The following LARS2 variants were observed in gnomAD, a reference collection of about 807,000 sequenced individuals.
LARS2 encodes the protein leucine--tRNA ligase, mitochondrial.
LARS2 carries 81 observed loss-of-function variants against 116.6 expected under a neutral mutation model. The ratio of observed to expected loss-of-function variants is 0.69; its 90% CI spans 0.58 to 0.84. The LOEUF (loss-of-function observed/expected upper bound fraction) is 0.84. Ranked by LOEUF, LARS2 falls within the 40% of genes least tolerant of loss-of-function variation. The pLI, the probability that LARS2 is intolerant of heterozygous loss-of-function variation, is 0.00. For missense variants in LARS2, 968 were observed against 1,114.5 expected, an observed-to-expected ratio of 0.87 and a Z score of 1.87; for synonymous variants, 396 against 407.2, an observed-to-expected ratio of 0.97 and a Z score of 0.33.
intron 4 of LARS2, among the ~76,000 whole-genome samples, chr3:45,405,691 G>T (rs187876320): frequency 5.2e-4 from 79 of 152,162 alleles, no homozygotes; most frequent in African/African-American, 1.8e-3. Flanking sequence ...TCATCAATCA[G>T]GAAAAATTAG....
chr3:45,503,312 G>T (rs1700149488), intron 15 of LARS2, among the ~76,000 whole-genome samples: 1 of 152,046 alleles, frequency 6.6e-6, no homozygotes, highest in Admixed American at 6.6e-5. Flanking sequence ...AAGTTTCCTT[G>T]TTTGTCTCTT....
chr3:45,459,290 G>A (rs1018995231), intron 8 of LARS2, among the ~76,000 whole-genome samples: 1 of 152,188 alleles, frequency 6.6e-6, no homozygotes, highest in Non-Finnish European at 1.5e-5. Context: ...TCTCAGATAA[G>A]TAAATGGACT....
intron 8 of LARS2, among the ~76,000 whole-genome samples, chr3:45,470,624 A>G (rs1201715662): frequency 6.6e-6 from 1 of 152,238 alleles, no homozygotes; most frequent in African/African-American, 2.4e-5. Flanking sequence ...TATAATCAGA[A>G]GATCTGGATA....
At chr3:45,496,096 T>A (rs190477328) in intron 13 of LARS2, among the ~76,000 whole-genome samples, 179 bp from the exon 14 acceptor site, 12 of 152,312 alleles carry the variant, frequency 7.9e-5, no homozygotes, top group Admixed American at 7.2e-4. Flanking sequence ...TTTGACCTCG[T>A]GATCCACCCA....
At chr3:45,522,920 A>G (rs1700475845) in intron 19 of LARS2, among the ~76,000 whole-genome samples, 2 of 152,202 alleles carry the variant, frequency 1.3e-5, no homozygotes, top group Non-Finnish European at 2.9e-5. Flanking sequence ...TTAAAATTAA[A>G]AAAAAGGAAG....
chr3:45,524,216 A>G (rs1043612281), intron 20 of LARS2, 108 bp downstream of exon 20: 13 of 709,332 alleles, frequency 1.8e-5, no homozygotes, highest in Admixed American at 1.5e-4. Context: ...AGGGTCCAAC[A>G]TTTGGCATCT....
intron 8 of LARS2, among the ~76,000 whole-genome samples, chr3:45,467,225 C>A (rs182967102): frequency 2.0e-5 from 3 of 152,188 alleles, no homozygotes; most frequent in Non-Finnish European, 2.9e-5. Context: ...CAGTAAAGAC[C>A]GATCCAATGG....
At chr3:45,481,586 A>G (rs1245434484) in intron 10 of LARS2, among the ~76,000 whole-genome samples, 1 of 152,136 alleles carries the variant, frequency 6.6e-6, no homozygotes, top group Non-Finnish European at 1.5e-5. Context: ...TTTAATTTGC[A>G]TTTCCCTGAT....
At chr3:45,475,945 A>T (rs993189698) in intron 9 of LARS2, among the ~76,000 whole-genome samples, 2 of 152,170 alleles carry the variant, frequency 1.3e-5, no homozygotes, top group African/African-American at 2.4e-5. Context: ...CCTCTTCCTT[A>T]AAAGGCATTT....
At chr3:45,454,338 T>G (rs1699180767) in intron 7 of LARS2, among the ~76,000 whole-genome samples, 1 of 152,198 alleles carries the variant, frequency 6.6e-6, no homozygotes. Context: ...TTTGTTGTGT[T>G]ATGAGGTGCA....
intron 20 of LARS2, among the ~76,000 whole-genome samples, chr3:45,527,757 T>G (rs1254739048): frequency 6.6e-6 from 1 of 152,266 alleles, no homozygotes; most frequent in Non-Finnish European, 1.5e-5. Context: ...TGTTTCACAG[T>G]GACCTTGTCT....
intron 3 of LARS2, among the ~76,000 whole-genome samples, chr3:45,398,886 C>A (rs563473014): frequency 6.6e-6 from 1 of 152,156 alleles, no homozygotes; most frequent in Non-Finnish European, 1.5e-5. Flanking sequence ...TAGGTCCCCC[C>A]AGTAGGAGTT....
chr3:45,484,547 C>T (rs1699760125), intron 10 of LARS2, among the ~76,000 whole-genome samples: 1 of 131,598 alleles, frequency 7.6e-6, no homozygotes, highest in Non-Finnish European at 1.6e-5. Context: ...GGGAGTATCA[C>T]TTGAGACCTG....
chr3:45,478,633 T>A lies in LARS2; in HGVS notation c.1018+2006T>A, dbSNP rs76181110. On this transcript the variant is annotated intron_variant, in intron 10 of 21. Transcript: ENST00000645846. The stretch of plus-strand genomic sequence containing the variant: ...TTAGTGCCAAGTGTAATGTTCCATT[T>A]GAAGGGCTCATTAGTTACTTTCTCC... Among the ~76,000 whole-genome samples the A allele has an allele frequency of 2.9e-3, 440 of 152,360 alleles. 2 individuals carry two copies. The highest frequency in any genetic ancestry group is 0.01 in the African/African-American group (419 of 41,582).
intron 8 of LARS2, among the ~76,000 whole-genome samples, chr3:45,461,020 G>A (rs1275174618): frequency 6.6e-6 from 1 of 152,020 alleles, no homozygotes; most frequent in African/African-American, 2.4e-5. Context: ...AAAGAAGCAG[G>A]AAATTATGGC....
intron 15 of LARS2, among the ~76,000 whole-genome samples, chr3:45,505,724 A>C (rs970120819): frequency 2.0e-5 from 3 of 152,028 alleles, no homozygotes; most frequent in African/African-American, 7.2e-5. Flanking sequence ...CTTCTTATGT[A>C]GGTCTGGAAA....
At position 45,484,734 on chromosome 3, in the gene LARS2, A is replaced by G. The variant is rs544131979; in HGVS notation, c.1019-958A>G. 9.4e-4 allele frequency among the ~76,000 whole-genome samples: 139 copies of G among 148,208 alleles called. 1 individual carries two copies. The highest frequency in any genetic ancestry group is 3.3e-3 in the African/African-American group (132 of 40,564). Reference sequence around the variant, plus strand: ...TAATACAATAATACAATGTTAGAATAAATCCAAATTAAGTGTTTTATTAGG... The same window carrying G: ...TAATACAATAATACAATGTTAGAATGAATCCAAATTAAGTGTTTTATTAGG... On this transcript the variant is annotated intron_variant, in intron 10 of 21. Transcript: ENST00000645846.
intron 13 of LARS2, among the ~76,000 whole-genome samples, chr3:45,493,795 G>A (rs1215149923): frequency 6.6e-6 from 1 of 151,920 alleles, no homozygotes; most frequent in South Asian, 2.1e-4. Flanking sequence ...TTTAGTATCA[G>A]CAATAAAACA....
At chr3:45,535,011 T>C (rs1700679136) in intron 20 of LARS2, among the ~76,000 whole-genome samples, 1 of 152,122 alleles carries the variant, frequency 6.6e-6, no homozygotes. Flanking sequence ...CTGACACTGT[T>C]TCTAGACAAA....
Sources: gnomAD v4.1 joint callset for allele counts (sites outside exome capture counted in the v4.1 genomes callset) on GRCh38, gnomAD v4.1.1 for gene constraint, MANE v1.5 for transcripts, NCBI Gene and HGNC (gene_info 2026-07-23, HGNC 2026-07-21) for gene names.